The following GPCPD1 variants were observed in gnomAD, a reference collection of about 807,000 sequenced individuals.
GPCPD1 encodes the protein glycerophosphocholine phosphodiesterase 1, also known as glycerophosphocholine phosphodiesterase GPCPD1.
GPCPD1 carries 29 observed loss-of-function variants against 89.2 expected under a neutral mutation model. The observed-to-expected ratio is 0.33, with a 90% confidence interval of 0.24 to 0.44. The LOEUF is 0.44. GPCPD1 is among the 20% of genes least tolerant of loss of function. The pLI, the probability that GPCPD1 is intolerant of heterozygous loss-of-function variation, is 1.00. For synonymous variants in GPCPD1, 258 were observed against 266.3 expected, an observed-to-expected ratio of 0.97 and a Z score of 0.30; for missense variants, 594 against 808.9, an observed-to-expected ratio of 0.73 and a Z score of 3.22.
At position 5,576,030 on chromosome 20, in the gene GPCPD1, T is replaced by A. The variant is rs760288421; in HGVS notation, c.706-52A>T. On this transcript the variant is annotated intron_variant, in intron 8 of 19. Coordinates refer to ENST00000379019, the MANE Select transcript of GPCPD1 (RefSeq NM_019593.5). The stretch of plus-strand genomic sequence containing the variant: ...TTAATTTTTAAACTTCTACATTACA[T>A]ACATACATATACACACACACACACA... The A allele has an allele frequency of 1.4e-4, 113 of 818,018 alleles. 1 individual carries two copies. Among genetic ancestry groups the A allele is most frequent in the Admixed American group, 1.0e-4 (5 of 48,128 alleles). 50.7% of individuals were successfully genotyped at this position (818,018 alleles called of 1,614,324 possible).
At chr20:5,600,359 C>T (rs1980043627) in intron 2 of GPCPD1, among the ~76,000 whole-genome samples, 1 of 150,096 alleles carries the variant, frequency 6.7e-6, no homozygotes, top group East Asian at 2.0e-4. Context: ...AGTTTGAGAA[C>T]AGCTTGGCCA....
intron 2 of GPCPD1, among the ~76,000 whole-genome samples, chr20:5,601,194 A>AT (rs1980109714): frequency 6.6e-6 from 1 of 151,484 alleles, no homozygotes; most frequent in Non-Finnish European, 1.5e-5. Context: ...ACAAAAAAAA[A>AT]TTTTAAGTAA....
At chr20:5,610,300 GAAAGGCAC>G in intron 1 of GPCPD1, among the ~76,000 whole-genome samples, 1 of 152,316 alleles carries the variant, frequency 6.6e-6, no homozygotes, top group South Asian at 2.1e-4. Context: ...CTTTTCCTAG[GAAAGGCAC>G]TTTAGTTTCT....
intron 1 of GPCPD1, among the ~76,000 whole-genome samples, chr20:5,604,773 C>CCACACA (rs1980453805): frequency 1.7e-5 from 1 of 60,214 alleles, no homozygotes; most frequent in East Asian, 5.7e-4. Flanking sequence ...GGCCTCATGT[C>CCACACA]TACACACACA....
intron 19 of GPCPD1, among the ~76,000 whole-genome samples, chr20:5,556,253 A>T (rs1014518405): frequency 6.6e-6 from 1 of 152,000 alleles, no homozygotes; most frequent in African/African-American, 2.4e-5. Flanking sequence ...TGTCACCCAG[A>T]CTGGAGTGCA....
At chr20:5,597,862 A>G (rs1038955501) in intron 3 of GPCPD1, among the ~76,000 whole-genome samples, 3 of 152,218 alleles carry the variant, frequency 2.0e-5, no homozygotes, top group Non-Finnish European at 4.4e-5. Context: ...ATTCAATGCC[A>G]CTAGTGAATA....
intron 1 of GPCPD1, among the ~76,000 whole-genome samples, chr20:5,607,214 G>A (rs1414993975): frequency 2.0e-5 from 3 of 152,110 alleles, no homozygotes; most frequent in Non-Finnish European, 1.5e-5. Flanking sequence ...TTGAACCTGG[G>A]AGGCAGAAGT....
intron 19 of GPCPD1, among the ~76,000 whole-genome samples, chr20:5,551,757 ACT>A (rs1201375176): frequency 3.3e-5 from 5 of 151,960 alleles, no homozygotes; most frequent in Non-Finnish European, 5.9e-5. Flanking sequence ...GGTGACAAAG[ACT>A]CTGTCTCAAA....
chr20:5,574,069 T>C (rs779701097), intron 10 of GPCPD1, 100 bp from the exon 11 acceptor site: 1 of 740,564 alleles, frequency 1.4e-6, no homozygotes, highest in Non-Finnish European at 2.3e-6. Flanking sequence ...AAATGGTACT[T>C]ATTCTGTATT....
intron 11 of GPCPD1, among the ~76,000 whole-genome samples, 187 bp from the exon 12 acceptor site, chr20:5,570,426 C>CAAAAAAA (rs36030193): frequency 1.2e-5 from 1 of 86,042 alleles, no homozygotes. Flanking sequence ...TTTTTCCTGG[C>CAAAAAAA]AAAAAAAAAA....
chr20:5,549,457 C>T (rs771707364), intron 19 of GPCPD1: 21 of 1,204,234 alleles, frequency 1.7e-5, no homozygotes, highest in Non-Finnish European at 2.5e-5. Context: ...ACAGCTCCAC[C>T]ACTAAAAATA....
chr20:5,579,556 C>A (rs1978325561), intron 7 of GPCPD1, among the ~76,000 whole-genome samples: 1 of 152,150 alleles, frequency 6.6e-6, no homozygotes. Context: ...CCATGTTGGC[C>A]AGTCTGGTCT....
chr20:5,558,334 A>C (rs572737356), intron 18 of GPCPD1, among the ~76,000 whole-genome samples: 125 of 152,294 alleles, frequency 8.2e-4, no homozygotes, highest in Non-Finnish European at 1.6e-3. Context: ...TTGAATGTGC[A>C]GTCAAAAAAT....
chr20:5,596,360 C>A (rs958616106), intron 3 of GPCPD1, among the ~76,000 whole-genome samples: 2 of 152,016 alleles, frequency 1.3e-5, no homozygotes, highest in African/African-American at 4.8e-5. Context: ...TCATCGCACT[C>A]CAGCCTGTGT....
intron 15 of GPCPD1, among the ~76,000 whole-genome samples, chr20:5,564,534 A>G (rs1235692452): frequency 2.0e-5 from 3 of 152,180 alleles, no homozygotes; most frequent in African/African-American, 4.8e-5. Context: ...CTACACAAGA[A>G]TGAATCTTAT....
At chr20:5,582,822 G>C (rs1978637018) in intron 6 of GPCPD1, among the ~76,000 whole-genome samples, 1 of 151,928 alleles carries the variant, frequency 6.6e-6, no homozygotes, top group African/African-American at 2.4e-5. Context: ...CCAGCAGGTG[G>C]AGGCTGCAGC....
At chr20:5,604,766 C>T (rs1980453105) in intron 1 of GPCPD1, among the ~76,000 whole-genome samples, 1 of 127,348 alleles carries the variant, frequency 7.9e-6, no homozygotes, top group Admixed American at 8.0e-5. Flanking sequence ...ATAGTGAGGC[C>T]TCATGTCTAC....
chr20:5,568,232 A>ATG (rs757701747), intron 12 of GPCPD1, among the ~76,000 whole-genome samples: 2 of 147,934 alleles, frequency 1.4e-5, no homozygotes, highest in African/African-American at 2.5e-5. Flanking sequence ...TATACTTAGT[A>ATG]TATATATATA....
At position 5,575,503 on chromosome 20, in the gene GPCPD1, T is replaced by A. The variant is rs570520143; in HGVS notation, c.911A>T (p.Asp304Val). ...ATACTTGGAAAATGAAGATTTCATG[T>A]CACAACTGTATCCTGGTAATGGCTT... ...IIKPLPGYSC[D>V]MKSSFSKYWK... The change falls in exon 10 of 20, where the codon GAC (aspartate) becomes GTC (valine). Residue 304 changes from aspartate to valine, a missense_variant. Coordinates refer to ENST00000379019, the MANE Select transcript of GPCPD1 (RefSeq NM_019593.5). The A allele has an allele frequency of 6.3e-7, 1 of 1,589,528 alleles. No individual in the cohort carries two copies. Among genetic ancestry groups the A allele is most frequent in the Non-Finnish European group, 8.6e-7 (1 of 1,157,728 alleles).
Sources: allele counts gnomAD v4.1 joint callset (sites outside exome capture counted in the v4.1 genomes callset), GRCh38; gene constraint gnomAD v4.1.1; transcripts MANE v1.5; gene names NCBI Gene and HGNC (gene_info 2026-07-23, HGNC 2026-07-21).